BRAP: variants seen among roughly 807,000 people sequenced by gnomAD.
The protein encoded by BRAP is BRCA1-associated protein.
In BRAP, 42 loss-of-function variants were observed where a neutral mutation model predicts 73.4. That is an observed-to-expected ratio of 0.57 (90% CI 0.45 to 0.74). The LOEUF is 0.74. Among genes scored for constraint, BRAP ranks in the 30% least tolerant of loss-of-function variants. The pLI is 0.00. For missense variants in BRAP, 593 were observed against 751.4 expected (o/e 0.79, Z 2.46); for synonymous variants, 255 against 267.4 (o/e 0.95, Z 0.45).
chr12:111,643,443 G>A lies in BRAP; in HGVS notation c.*756C>T, dbSNP rs551282821. 4 of 152,152 alleles carry A rather than the reference G, an allele frequency of 2.6e-5. No homozygotes were observed. Among genetic ancestry groups the A allele is most frequent in the Non-Finnish European group, 5.9e-5 (4 of 68,026 alleles). 9.4% of individuals were successfully genotyped at this position (152,152 alleles called of 1,614,324 possible). A position where few individuals can be genotyped will look rare whatever the true frequency, so the allele number is the denominator to read the frequency against. ...GATACCCACTCTGAGATTTGAGTTT[G>A]GGAACAGCCATTAAGCCTCCTCCTT... On this transcript the variant is annotated 3_prime_UTR_variant, in exon 12 of 12. Coordinates refer to ENST00000419234, the MANE Select transcript of BRAP (RefSeq NM_006768.5).
At chr12:111,683,807 G>A (rs935201310) in intron 1 of BRAP, among the ~76,000 whole-genome samples, 1 of 152,072 alleles carries the variant, frequency 6.6e-6, no homozygotes, top group Non-Finnish European at 1.5e-5. Flanking sequence ...CTCCCAAAGC[G>A]CTGGAATTAC....
At chr12:111,652,678 A>G (rs181233785) in intron 10 of BRAP, among the ~76,000 whole-genome samples, 2 of 152,056 alleles carry the variant, frequency 1.3e-5, no homozygotes, top group Non-Finnish European at 2.9e-5. Context: ...GGAGTTGGAG[A>G]TCAGCCTGGG....
chr12:111,683,502 T>C (rs1270486290), intron 1 of BRAP, among the ~76,000 whole-genome samples, 195 bp from the exon 2 acceptor site: 2 of 152,116 alleles, frequency 1.3e-5, no homozygotes, highest in East Asian at 1.9e-4. Context: ...GCCAGGACAA[T>C]ATACTCAGAA....
chr12:111,676,357 A>G (rs2135926180), intron 4 of BRAP, among the ~76,000 whole-genome samples: 1 of 152,314 alleles, frequency 6.6e-6, no homozygotes, highest in South Asian at 2.1e-4. Context: ...GACACCTACT[A>G]GCTGTTTGGC....
At chr12:111,667,708 A>AAAAAAAAAAAAAAG in intron 5 of BRAP, among the ~76,000 whole-genome samples, 1 of 142,300 alleles carries the variant, frequency 7.0e-6, no homozygotes, top group Non-Finnish European at 1.5e-5. Context: ...CAAAAAAAAA[A>AAAAAAAAAAAAAAG]AAAAAAAAAA....
At chr12:111,644,687 A>C in intron 11 of BRAP, 125 bp from the exon 12 acceptor site, 1 of 1,378,502 alleles carries the variant, frequency 7.3e-7, no homozygotes, top group Non-Finnish European at 9.8e-7. Flanking sequence ...CCTTTCTCCC[A>C]TCGTGAGGGA....
Position 111,685,697 on chromosome 12 carries a change from G to A in BRAP, c.82+14C>T, listed in dbSNP as rs750575540. 1.6e-5 allele frequency: 25 copies of A among 1,598,848 alleles called. No homozygotes were observed. In the South Asian group the frequency reaches 2.5e-4, roughly 16 times the overall value. ...ACCCGGCTACAGGGAATGCGGCGAGGCCGCGGGACTCACCCGCGGCGCTGA... is the reference window on the plus strand; with the variant it reads ...ACCCGGCTACAGGGAATGCGGCGAGACCGCGGGACTCACCCGCGGCGCTGA... On this transcript the variant is annotated intron_variant, in intron 1 of 11. Coordinates refer to ENST00000419234, the MANE Select transcript of BRAP (RefSeq NM_006768.5).
At chr12:111,664,323 C>A (rs1886856783) in intron 6 of BRAP, among the ~76,000 whole-genome samples, 1 of 152,058 alleles carries the variant, frequency 6.6e-6, no homozygotes, top group African/African-American at 2.4e-5. Flanking sequence ...CAGAGCAAGA[C>A]CCTGTCTCAA....
intron 11 of BRAP, among the ~76,000 whole-genome samples, chr12:111,648,836 G>A (rs1448702839): frequency 6.6e-6 from 1 of 151,876 alleles, no homozygotes; most frequent in African/African-American, 2.4e-5. Context: ...TGAGGCAGGA[G>A]AATGGCGTGA....
At chr12:111,645,918 A>G (rs1886094586) in intron 11 of BRAP, among the ~76,000 whole-genome samples, 1 of 152,146 alleles carries the variant, frequency 6.6e-6, no homozygotes, top group South Asian at 2.1e-4. Context: ...TGATCCCAGC[A>G]GGTCAAGGCT....
chr12:111,648,522 G>A (rs1401105055), intron 11 of BRAP, among the ~76,000 whole-genome samples: 1 of 143,884 alleles, frequency 7.0e-6, no homozygotes, highest in Non-Finnish European at 1.5e-5. Flanking sequence ...TGAGGCAGGA[G>A]AATCACTTGA....
At chr12:111,648,075 G>A (rs145831018) in intron 11 of BRAP, among the ~76,000 whole-genome samples, 2,361 of 151,952 alleles carry the variant, frequency 0.016, 71 homozygotes, top group African/African-American at 0.054. Context: ...TGAGGAGGGC[G>A]GATCATGAGG....
At chr12:111,679,954 G>C (rs1199752947) in intron 3 of BRAP, among the ~76,000 whole-genome samples, 1 of 148,812 alleles carries the variant, frequency 6.7e-6, no homozygotes, top group Non-Finnish European at 1.5e-5. Context: ...CTCTTAAAAG[G>C]CCTAAAAAAA....
At chr12:111,681,527 T>G in intron 3 of BRAP, 110 bp downstream of exon 3, 1 of 829,320 alleles carries the variant, frequency 1.2e-6, no homozygotes, top group South Asian at 2.1e-5. Context: ...GTATTATTAT[T>G]TTGAAGCTTA....
chr12:111,656,956 G>C (rs1463559766), intron 9 of BRAP, among the ~76,000 whole-genome samples: 1 of 152,048 alleles, frequency 6.6e-6, no homozygotes, highest in Admixed American at 6.6e-5. Context: ...TGCCGAGGCT[G>C]GTTTCAAAAT....
chr12:111,681,799 G>A lies in BRAP; in HGVS notation c.281C>T (p.Ser94Leu), dbSNP rs763735998. ...LKTTVEERKS[S>L]EASPTAQRSK... ...TCTTTGCGCAGTGGGGGAGGCTTCT[G>A]AAGACTTCCTTTCTTCCACTGTAGT... The change falls in exon 3 of 12, where the codon TCA becomes TTA. Residue 94 changes from serine to leucine, a missense_variant. Coordinates refer to ENST00000419234, the MANE Select transcript of BRAP (RefSeq NM_006768.5). 1.9e-6 allele frequency: 3 copies of A among 1,611,982 alleles called. No individual in the cohort carries two copies. In the Admixed American group the frequency reaches 5.0e-5, roughly 27 times the overall value.
At chr12:111,658,003 A>C (rs930252767) in intron 9 of BRAP, among the ~76,000 whole-genome samples, 5 of 151,768 alleles carry the variant, frequency 3.3e-5, no homozygotes, top group Non-Finnish European at 4.4e-5. Flanking sequence ...CAGTGGCACA[A>C]TCTCAGCTCA....
intron 10 of BRAP, among the ~76,000 whole-genome samples, chr12:111,654,809 A>C (rs992184362): frequency 6.6e-6 from 1 of 152,212 alleles, no homozygotes; most frequent in Admixed American, 6.5e-5. Context: ...AAGGTTACTA[A>C]AGTAATCATT....
chr12:111,662,945 T>TAAAAAAAAA (rs76679225), intron 6 of BRAP, among the ~76,000 whole-genome samples: 1 of 115,008 alleles, frequency 8.7e-6, no homozygotes, highest in Non-Finnish European at 1.9e-5. Flanking sequence ...AAAGCCCTTC[T>TAAAAAAAAA]AAAAAAAAAA....
Sources: allele counts gnomAD v4.1 joint callset (sites outside exome capture counted in the v4.1 genomes callset), GRCh38; gene constraint gnomAD v4.1.1; transcripts MANE v1.5; gene names NCBI Gene and HGNC (gene_info 2026-07-23, HGNC 2026-07-21).